The following CNTNAP2 variants were observed in gnomAD, a reference collection of about 807,000 sequenced individuals.
CNTNAP2 encodes contactin associated protein 2, also known as contactin-associated protein-like 2.
In CNTNAP2, 98 loss-of-function variants were observed where a neutral mutation model predicts 155.2. The observed-to-expected ratio is 0.63, with a 90% confidence interval of 0.54 to 0.75. The LOEUF is 0.75. CNTNAP2 is among the 30% of genes least tolerant of loss of function. The pLI, the probability that CNTNAP2 is intolerant of heterozygous loss-of-function variation, is 0.00. For synonymous variants in CNTNAP2, 651 were observed against 631.2 expected (o/e 1.03, Z -0.47); for missense variants, 1,727 against 1,688.1 (o/e 1.02, Z -0.40).
chr7:146,645,526 G>A (rs1799796922), intron 1 of CNTNAP2, among the ~76,000 whole-genome samples: 1 of 152,204 alleles, frequency 6.6e-6, no homozygotes, highest in Non-Finnish European at 1.5e-5. Context: ...ATCCCTGTGG[G>A]TATGAAACAA....
intron 8 of CNTNAP2, among the ~76,000 whole-genome samples, chr7:147,256,854 T>A (rs1291910159): frequency 2.0e-5 from 3 of 151,726 alleles, no homozygotes; most frequent in Non-Finnish European, 4.4e-5. Context: ...TATAATAAGT[T>A]GAGTCACAGG....
intron 1 of CNTNAP2, among the ~76,000 whole-genome samples, chr7:146,486,046 C>CTTTTTTTTTTTTTTTTT (rs71175651): frequency 7.0e-5 from 3 of 42,572 alleles, no homozygotes; most frequent in African/African-American, 1.7e-4. Flanking sequence ...CCACAGCAGT[C>CTTTTTTTTTTTTTTTTT]TTTTTTTTTT....
chr7:148,216,729 A>G (rs1795644626), intron 18 of CNTNAP2, among the ~76,000 whole-genome samples: 1 of 152,106 alleles, frequency 6.6e-6, no homozygotes, highest in Non-Finnish European at 1.5e-5. Context: ...TTTCTATATG[A>G]TATGGTTTGG....
chr7:147,877,553 C>T (rs964881286), intron 13 of CNTNAP2, among the ~76,000 whole-genome samples: 2 of 152,046 alleles, frequency 1.3e-5, no homozygotes, highest in African/African-American at 4.8e-5. Context: ...TGGTAAAACC[C>T]TTCATTTATT....
chr7:148,108,295 G>A (rs1462028145), intron 15 of CNTNAP2, among the ~76,000 whole-genome samples: 4 of 151,960 alleles, frequency 2.6e-5, no homozygotes, highest in Non-Finnish European at 4.4e-5. Flanking sequence ...TCTACAAAGC[G>A]TAACACAGGG....
chr7:146,599,112 TA>T (rs1207174067), intron 1 of CNTNAP2, among the ~76,000 whole-genome samples: 1 of 152,118 alleles, frequency 6.6e-6, no homozygotes, highest in African/African-American at 2.4e-5. Context: ...GCCTTCAAGA[TA>T]TGTCTAGAAT....
intron 10 of CNTNAP2, among the ~76,000 whole-genome samples, chr7:147,402,277 GTGGGATCTGTCCCACCT>G (rs1170237461): frequency 6.6e-6 from 1 of 152,104 alleles, no homozygotes; most frequent in Non-Finnish European, 1.5e-5. Context: ...CACCACAGGG[GTGGGATCTGTCCCACCT>G]GCTCCACCAA....
At chr7:146,873,683 G>C (rs138875413) in intron 3 of CNTNAP2, among the ~76,000 whole-genome samples, 161 of 152,030 alleles carry the variant, frequency 1.1e-3, no homozygotes, top group African/African-American at 3.4e-3. Flanking sequence ...GGCTTGTTTC[G>C]GGGAACTACA....
chr7:147,272,999 G>A (rs1804792180), intron 8 of CNTNAP2, among the ~76,000 whole-genome samples: 1 of 151,432 alleles, frequency 6.6e-6, no homozygotes, highest in Non-Finnish European at 1.5e-5. Context: ...CCTGTTTTTA[G>A]CTATTCTTCT....
At chr7:148,231,685 C>T (rs1795964449) in intron 20 of CNTNAP2, among the ~76,000 whole-genome samples, 1 of 152,088 alleles carries the variant, frequency 6.6e-6, no homozygotes, top group East Asian at 1.9e-4. Flanking sequence ...AATTTTGTTA[C>T]CGGAAGAAGG....
intron 9 of CNTNAP2, among the ~76,000 whole-genome samples, chr7:147,333,909 A>G (rs191251710): frequency 6.6e-6 from 1 of 152,274 alleles, no homozygotes; most frequent in East Asian, 1.9e-4. Flanking sequence ...CGGTCCAGGG[A>G]TGTGTGGCTA....
chr7:147,870,557 T>G (rs1799309092), intron 13 of CNTNAP2, among the ~76,000 whole-genome samples: 1 of 152,166 alleles, frequency 6.6e-6, no homozygotes, highest in Non-Finnish European at 1.5e-5. Context: ...AGCTGAGATC[T>G]CAACCCATAA....
At chr7:146,842,981 G>A (rs1437164418) in intron 3 of CNTNAP2, among the ~76,000 whole-genome samples, 2 of 115,044 alleles carry the variant, frequency 1.7e-5, no homozygotes, top group East Asian at 2.8e-4. Flanking sequence ...CACCACGCCC[G>A]GCCTGTCCCA....
chr7:146,361,384 G>A (rs537471856), intron 1 of CNTNAP2, among the ~76,000 whole-genome samples: 3 of 152,206 alleles, frequency 2.0e-5, no homozygotes, highest in East Asian at 1.9e-4. Flanking sequence ...AGTCCCCCAC[G>A]TGTACCAAGG....
chr7:147,973,494 A>G (rs973045544), intron 14 of CNTNAP2, among the ~76,000 whole-genome samples: 1 of 152,232 alleles, frequency 6.6e-6, no homozygotes, highest in Non-Finnish European at 1.5e-5. Flanking sequence ...ACTTCAATAT[A>G]GCATTACAAA....
At chr7:148,372,289 C>G (rs576460561) in intron 21 of CNTNAP2, among the ~76,000 whole-genome samples, 19 of 152,200 alleles carry the variant, frequency 1.2e-4, no homozygotes, top group African/African-American at 4.1e-4. Flanking sequence ...CTGGAAGTTG[C>G]TCTGGATGAG....
chr7:147,522,909 A>G (rs973388305), intron 11 of CNTNAP2, among the ~76,000 whole-genome samples: 1 of 152,258 alleles, frequency 6.6e-6, no homozygotes, highest in Non-Finnish European at 1.5e-5. Context: ...TAAATGAATA[A>G]CAAACTTGTA....
intron 1 of CNTNAP2, among the ~76,000 whole-genome samples, chr7:146,744,227 C>CAAAAAAAAAAA (rs60606492): frequency 4.2e-5 from 2 of 48,154 alleles, no homozygotes; most frequent in African/African-American, 7.1e-5. Flanking sequence ...CACTCTGTCT[C>CAAAAAAAAAAA]AAAAAAAAAA....
chr7:147,055,620 A>G (rs940756985), intron 4 of CNTNAP2, among the ~76,000 whole-genome samples: 8 of 152,184 alleles, frequency 5.3e-5, no homozygotes, highest in Admixed American at 5.2e-4. Context: ...AGGCATCTCA[A>G]GTCTCGCAGG....
Sources: gnomAD v4.1 joint callset for allele counts (sites outside exome capture counted in the v4.1 genomes callset) on GRCh38, gnomAD v4.1.1 for gene constraint, MANE v1.5 for transcripts, NCBI Gene and HGNC (gene_info 2026-07-23, HGNC 2026-07-21) for gene names.